Variants in TMEM44 observed in about 807,000 individuals in gnomAD.
The protein encoded by TMEM44 is transmembrane protein 44.
A neutral mutation model predicts 47.8 loss-of-function variants in TMEM44; 43 were observed. The ratio of observed to expected loss-of-function variants is 0.90; its 90% CI spans 0.70 to 1.16. The LOEUF is 1.16. Ranked by LOEUF, TMEM44 falls within the 50% of genes most tolerant of loss-of-function variation. The pLI is 0.00. For missense variants in TMEM44, 568 were observed against 555.2 expected (o/e 1.02, Z -0.23); for synonymous variants, 277 against 238.8 (o/e 1.16, Z -1.48).
In TMEM44 at chr3:194,615,653, G is replaced by A. The variant is rs746954389; in HGVS notation, c.828C>T (p.Ala276=). 1.2e-5 allele frequency: 20 copies of A among 1,614,010 alleles called. No homozygotes were observed. The highest frequency in any genetic ancestry group is 1.5e-5 in the Non-Finnish European group (18 of 1,180,010). The change falls in exon 7 of 10, where the codon GCC becomes GCT. Residue 276 remains alanine (A), a synonymous_variant. Coordinates refer to ENST00000347147, the MANE Select transcript of TMEM44 (RefSeq NM_001011655.3). Reference sequence around the variant, plus strand: ...CTCTGGCTTCCTTGGCAAATCCTAAGGCCTGTCTCATCTTGCTCTTCATCA... The same window carrying A: ...CTCTGGCTTCCTTGGCAAATCCTAAAGCCTGTCTCATCTTGCTCTTCATCA... The part of the protein sequence containing the change: ...SCVMKSKMRQ[A]LGFAKEARES...
intron 3 of TMEM44, among the ~76,000 whole-genome samples, chr3:194,625,505 G>A (rs566909209): frequency 1.1e-4 from 16 of 151,822 alleles, no homozygotes; most frequent in African/African-American, 3.4e-4. Context: ...TTGTTGAGAC[G>A]GACTCTTGCT....
intron 1 of TMEM44, among the ~76,000 whole-genome samples, chr3:194,629,473 C>T (rs1028644889): frequency 1.1e-4 from 16 of 152,378 alleles, no homozygotes; most frequent in Middle Eastern, 3.4e-3. Context: ...TTTCTATCAG[C>T]GTCACTGATA....
intron 9 of TMEM44, among the ~76,000 whole-genome samples, chr3:194,600,623 T>C (rs1309604429): frequency 6.6e-6 from 1 of 151,990 alleles, no homozygotes; most frequent in East Asian, 1.9e-4. Flanking sequence ...TGGTGGTGCA[T>C]GCCTATAGTC....
intron 3 of TMEM44, among the ~76,000 whole-genome samples, chr3:194,625,600 C>G (rs1717076279): frequency 6.6e-6 from 1 of 152,200 alleles, no homozygotes; most frequent in Non-Finnish European, 1.5e-5. Flanking sequence ...CCTGCCTCAG[C>G]TTCCCGAGTA....
intron 9 of TMEM44, among the ~76,000 whole-genome samples, chr3:194,591,496 A>C (rs1214813809): frequency 6.6e-6 from 1 of 152,180 alleles, no homozygotes; most frequent in Non-Finnish European, 1.5e-5. Context: ...TTCTGTCTCA[A>C]AAAATAAATA....
chr3:194,612,820 G>A lies in TMEM44; in HGVS notation c.913-1800C>T, dbSNP rs555372117. ...GCTGGGACTACAGGCACCCGCCACC[G>A]CGCCCAGCTAATTTTTTGTATTTTT... On this transcript the variant is annotated intron_variant, in intron 7 of 9. Transcript: ENST00000347147. 7.9e-5 allele frequency among the ~76,000 whole-genome samples: 12 copies of A among 151,686 alleles called. No individual in the cohort carries two copies. The East Asian group carries it at 1.8e-3, about 22-fold the overall frequency.
chr3:194,632,768 C>T (rs1459782011), intron 1 of TMEM44, among the ~76,000 whole-genome samples: 1 of 152,170 alleles, frequency 6.6e-6, no homozygotes, highest in African/African-American at 2.4e-5. Context: ...GGTTCTGGAG[C>T]TTGCCCAGGT....
chr3:194,612,057 T>A (rs1352059914), intron 7 of TMEM44, among the ~76,000 whole-genome samples: 3 of 135,818 alleles, frequency 2.2e-5, no homozygotes, highest in Non-Finnish European at 3.2e-5. Flanking sequence ...AATAAATAAA[T>A]AAAATACAGA....
intron 7 of TMEM44, among the ~76,000 whole-genome samples, chr3:194,612,895 G>T (rs935219603): frequency 6.6e-6 from 1 of 151,836 alleles, no homozygotes; most frequent in African/African-American, 2.4e-5. Context: ...CTCGTGATCC[G>T]CCCGCCTCTG....
chr3:194,594,133 A>ATCTGTCTGTCTG (rs1196298353), intron 9 of TMEM44, among the ~76,000 whole-genome samples: 1,763 of 143,974 alleles, frequency 0.012, 21 homozygotes, highest in African/African-American at 0.034. Context: ...CTATCTATCT[A>ATCTGTCTGTCTG]TCTATCTATC....
intron 9 of TMEM44, among the ~76,000 whole-genome samples, chr3:194,603,089 T>A (rs1220199384): frequency 6.6e-6 from 1 of 152,208 alleles, no homozygotes; most frequent in Non-Finnish European, 1.5e-5. Flanking sequence ...GCCGCTACAT[T>A]GTCCTTGTGG....
intron 1 of TMEM44, among the ~76,000 whole-genome samples, chr3:194,628,807 C>G (rs1308628588): frequency 6.6e-6 from 1 of 152,136 alleles, no homozygotes; most frequent in South Asian, 2.1e-4. Flanking sequence ...TGATGACCCC[C>G]CACCTAGCAC....
Position 194,606,081 on chromosome 3 carries a change from GAA to G in TMEM44, c.1018-1638_1018-1637del, listed in dbSNP as rs548416322. 7.3e-4 allele frequency among the ~76,000 whole-genome samples: 111 copies of G among 152,248 alleles called. 1 individual carries two copies. The South Asian group carries it at 0.02, about 28-fold the overall frequency. ...GAGTGGGGAAGCAGATGCCTCCCAGGAACAACAATGACAAATTCTATAAATGC... is the reference window on the plus strand; with the variant it reads ...GAGTGGGGAAGCAGATGCCTCCCAGGCAACAATGACAAATTCTATAAATGC... On this transcript the variant is annotated intron_variant, in intron 8 of 9. Coordinates refer to ENST00000347147, the MANE Select transcript of TMEM44 (RefSeq NM_001011655.3).
rs113901893 is a variant in TMEM44, at chr3:194,614,058, G to A, written c.912+1511C>T. Among the ~76,000 whole-genome samples, 445 of 152,194 alleles carry A rather than the reference G, an allele frequency of 2.9e-3. 4 individuals are homozygous for A. Among genetic ancestry groups the A allele is most frequent in the African/African-American group, 0.01 (423 of 41,542 alleles). ...AATCGCTTGAACCCGGGAGGCGGAGGTTGTGGTGAGCCGAGATCGTGCCAC... is the reference window on the plus strand; with the variant it reads ...AATCGCTTGAACCCGGGAGGCGGAGATTGTGGTGAGCCGAGATCGTGCCAC... On this transcript the variant is annotated intron_variant, in intron 7 of 9. Transcript: ENST00000347147.
chr3:194,605,162 A>ATCTG (rs1246825978), intron 8 of TMEM44, among the ~76,000 whole-genome samples: 2 of 151,700 alleles, frequency 1.3e-5, no homozygotes, highest in African/African-American at 4.9e-5. Context: ...CTATCTATGT[A>ATCTG]TCTATTTATG....
chr3:194,605,941 T>C (rs1714731766), intron 8 of TMEM44, among the ~76,000 whole-genome samples: 2 of 152,110 alleles, frequency 1.3e-5, no homozygotes, highest in South Asian at 4.1e-4. Flanking sequence ...TCAGGTGGAC[T>C]GGCAGAGAAA....
At chr3:194,601,099 A>C (rs1209370515) in intron 9 of TMEM44, among the ~76,000 whole-genome samples, 1 of 150,292 alleles carries the variant, frequency 6.7e-6, no homozygotes, top group Non-Finnish European at 1.5e-5. Context: ...GTTCATTTCC[A>C]CTTGCTTAAT....
At chr3:194,630,569 C>T (rs536035864) in intron 1 of TMEM44, among the ~76,000 whole-genome samples, 1 of 78,296 alleles carries the variant, frequency 1.3e-5, no homozygotes, top group Non-Finnish European at 2.4e-5. Flanking sequence ...TGAAATGATA[C>T]GCTGTCGTAC....
intron 5 of TMEM44, among the ~76,000 whole-genome samples, chr3:194,618,056 C>T (rs1023159778): frequency 4.6e-5 from 7 of 152,164 alleles, no homozygotes; most frequent in Non-Finnish European, 1.0e-4. Context: ...CCAATTACAC[C>T]TGGTTTCCTT....
Sources: gnomAD v4.1 joint callset for allele counts (sites outside exome capture counted in the v4.1 genomes callset) on GRCh38, gnomAD v4.1.1 for gene constraint, MANE v1.5 for transcripts, NCBI Gene and HGNC (gene_info 2026-07-23, HGNC 2026-07-21) for gene names.